Variants in LEPR observed in about 807,000 individuals in gnomAD.
The protein encoded by LEPR is OB receptor.
In LEPR, 56 loss-of-function variants were observed where a neutral mutation model predicts 114.7. The observed-to-expected ratio is 0.49, with a 90% CI of 0.39 to 0.61. The LOEUF is 0.61. LEPR is among the 20% of genes least tolerant of loss of function. The pLI is 0.00. For missense variants in LEPR, 1,202 were observed against 1,352.9 expected (o/e 0.89, Z 1.75); for synonymous variants, 443 against 461.4 (o/e 0.96, Z 0.51).
chr1:65,526,462 G>T, intron 2 of LEPR: 1 of 959,912 alleles, frequency 1.0e-6, no homozygotes, highest in Non-Finnish European at 1.2e-6. Flanking sequence ...TTTAAAAACT[G>T]GTTCTTTCTG....
chr1:65,587,258 A>G (rs1406763817), intron 5 of LEPR, among the ~76,000 whole-genome samples: 1 of 152,084 alleles, frequency 6.6e-6, no homozygotes, highest in East Asian at 1.9e-4. Context: ...TCCGACATAA[A>G]ACACCACAAT....
At chr1:65,544,700 C>CG (rs1270581247) in intron 2 of LEPR, among the ~76,000 whole-genome samples, 6 of 67,202 alleles carry the variant, frequency 8.9e-5, no homozygotes, top group African/African-American at 2.8e-4. Context: ...GACAATCATG[C>CG]GGTTTTTTTT....
chr1:65,544,776 A>G lies in LEPR; in HGVS notation c.-20-20770A>G, dbSNP rs904340859. On this transcript the variant is annotated intron_variant, in intron 2 of 19. Coordinates refer to ENST00000349533, the MANE Select transcript of LEPR (RefSeq NM_002303.6). ...GGGTGAAATTTTGATACGTGGTACA[A>G]CATTGATAAACTTTATTTTATTTTA... Among the ~76,000 whole-genome samples, 3 of 151,408 alleles carry G rather than the reference A, an allele frequency of 2.0e-5. No homozygotes were observed. The East Asian group carries it at 5.8e-4, about 29-fold the overall frequency.
intron 2 of LEPR, chr1:65,432,123 C>T: frequency 1.6e-6 from 2 of 1,257,798 alleles, no homozygotes; most frequent in Non-Finnish European, 2.0e-6. Flanking sequence ...GATTATGTTA[C>T]TCAAATTATG....
At chr1:65,521,808 G>A (rs1312752706) in intron 2 of LEPR, among the ~76,000 whole-genome samples, 2 of 152,032 alleles carry the variant, frequency 1.3e-5, no homozygotes, top group Non-Finnish European at 2.9e-5. Flanking sequence ...TATTTAAATA[G>A]TCTATTGCTG....
chr1:65,453,472 A>G (rs1646818610), intron 2 of LEPR, among the ~76,000 whole-genome samples: 1 of 151,856 alleles, frequency 6.6e-6, no homozygotes, highest in African/African-American at 2.4e-5. Flanking sequence ...AGATTCTGGT[A>G]TGTTGTGTCT....
intron 2 of LEPR, among the ~76,000 whole-genome samples, chr1:65,524,056 C>A (rs1387366359): frequency 1.3e-5 from 2 of 152,160 alleles, no homozygotes; most frequent in Non-Finnish European, 2.9e-5. Context: ...TCTCATAGAG[C>A]CTTGGGAGCC....
intron 12 of LEPR, 72 bp downstream of exon 12, chr1:65,608,973 T>A (rs963822645): frequency 3.2e-6 from 5 of 1,569,282 alleles, no homozygotes; most frequent in Non-Finnish European, 4.4e-6. Flanking sequence ...TTTAATTGCA[T>A]TAGATTAATT....
At chr1:65,506,409 C>T (rs1648731825) in intron 2 of LEPR, among the ~76,000 whole-genome samples, 1 of 152,194 alleles carries the variant, frequency 6.6e-6, no homozygotes, top group Non-Finnish European at 1.5e-5. Context: ...TATTGCATTT[C>T]ACTGGAGATC....
intron 6 of LEPR, among the ~76,000 whole-genome samples, chr1:65,596,003 T>C (rs1159803747): frequency 6.6e-6 from 1 of 152,128 alleles, no homozygotes; most frequent in African/African-American, 2.4e-5. Flanking sequence ...CTAAAATTAA[T>C]AGACAAGCTG....
intron 2 of LEPR, among the ~76,000 whole-genome samples, chr1:65,457,411 C>T (rs556784716): frequency 6.6e-6 from 1 of 152,080 alleles, no homozygotes; most frequent in East Asian, 1.9e-4. Flanking sequence ...CTTTGCTTTT[C>T]AGTTTTGGAG....
chr1:65,629,469 G>A (rs1173164065), intron 19 of LEPR: 3 of 304,558 alleles, frequency 9.9e-6, no homozygotes. Flanking sequence ...AATAATATGT[G>A]ATTACACTTC....
At chr1:65,571,791 CAAAAAAAAAAAAAA>C (rs34139057) in intron 4 of LEPR, among the ~76,000 whole-genome samples, 2 of 73,692 alleles carry the variant, frequency 2.7e-5, no homozygotes, top group East Asian at 1.7e-3. Flanking sequence ...CCATCTCTAC[CAAAAAAAAAAAAAA>C]AAAAAAAAAA....
intron 5 of LEPR, among the ~76,000 whole-genome samples, chr1:65,589,313 A>T (rs974956826): frequency 1.3e-5 from 2 of 151,988 alleles, no homozygotes; most frequent in African/African-American, 4.8e-5. Context: ...TACCTTATGT[A>T]TACAAATCTT....
At chr1:65,503,870 A>G (rs1208161276) in intron 2 of LEPR, among the ~76,000 whole-genome samples, 5 of 152,100 alleles carry the variant, frequency 3.3e-5, no homozygotes, top group South Asian at 4.1e-4. Context: ...AGATACAAGG[A>G]TACACCTAAC....
At chr1:65,492,590 T>G (rs1456003602) in intron 2 of LEPR, among the ~76,000 whole-genome samples, 1 of 152,104 alleles carries the variant, frequency 6.6e-6, no homozygotes, top group Non-Finnish European at 1.5e-5. Flanking sequence ...ACTAGTTTTA[T>G]GTAATGCTTC....
intron 2 of LEPR, among the ~76,000 whole-genome samples, chr1:65,538,533 G>T (rs571309876): frequency 5.3e-5 from 8 of 151,994 alleles, no homozygotes; most frequent in African/African-American, 1.7e-4. Context: ...TATAAATTTT[G>T]TAAGCCATTA....
intron 2 of LEPR, among the ~76,000 whole-genome samples, chr1:65,456,017 A>G (rs1330521244): frequency 2.6e-5 from 4 of 152,152 alleles, no homozygotes; most frequent in African/African-American, 9.7e-5. Flanking sequence ...GGAAAAGCAC[A>G]GTATTCGGGT....
intron 16 of LEPR, 53 bp from the exon 17 acceptor site, chr1:65,619,875 C>G (rs1657770209): frequency 6.1e-6 from 8 of 1,319,928 alleles, no homozygotes; most frequent in Non-Finnish European, 8.7e-6. Flanking sequence ...GTATGTTCCA[C>G]TCATTACTAT....
Sources: gnomAD v4.1 joint callset for allele counts (sites outside exome capture counted in the v4.1 genomes callset) on GRCh38, gnomAD v4.1.1 for gene constraint, MANE v1.5 for transcripts, NCBI Gene and HGNC (gene_info 2026-07-23, HGNC 2026-07-21) for gene names.